Variants in KNL1 observed in about 807,000 individuals in gnomAD.
KNL1 encodes kinetochore scaffold 1, also known as outer kinetochore KNL1 complex subunit KNL1.
A neutral mutation model predicts 201.3 loss-of-function variants in KNL1; 66 were observed. That is an observed-to-expected ratio of 0.33 (90% CI 0.27 to 0.40). KNL1 has a LOEUF of 0.40. KNL1 is among the 10% of genes least tolerant of loss of function. KNL1 has a pLI of 1.00. For synonymous variants in KNL1, 895 were observed against 899.2 expected (o/e 1.00, Z 0.08); for missense variants, 2,815 against 2,690.5 (o/e 1.05, Z -1.02).
At chr15:40,643,291 A>G (rs1033942971) in intron 14 of KNL1, 2 of 151,424 alleles carry the variant, frequency 1.3e-5, no homozygotes, top group South Asian at 4.2e-4. Context: ...TCCTGCCTCA[A>G]CCTCTACTAC....
intron 5 of KNL1, 26 bp downstream of exon 5, chr15:40,608,934 A>G (rs745317843): frequency 3.3e-6 from 5 of 1,507,038 alleles, no homozygotes. Flanking sequence ...AAATAACTAA[A>G]ATATTATAGG....
Position 40,649,390 on chromosome 15 carries a change from G to T in KNL1, c.6095-911G>T, listed in dbSNP as rs200570899. 2.2e-4 allele frequency among the ~76,000 whole-genome samples: 33 copies of T among 151,674 alleles called. No homozygotes were observed. In the East Asian group the frequency reaches 6.4e-3, roughly 29 times the overall value. ...TGCTCACTGCAACCTCTGCCTCCTG[G>T]ATTCAAGCAATTCTTGTGCCTCAGC... is the stretch of plus-strand genomic sequence containing the variant. On this transcript the variant is annotated intron_variant, in intron 17 of 25. Transcript: ENST00000399668.
At chr15:40,626,222 A>T (rs1373288185) in intron 10 of KNL1, among the ~76,000 whole-genome samples, 2 of 151,074 alleles carry the variant, frequency 1.3e-5, no homozygotes, top group South Asian at 2.1e-4. Flanking sequence ...GTGTGATCTC[A>T]GCTCACTGCA....
intron 10 of KNL1, among the ~76,000 whole-genome samples, chr15:40,626,981 G>A (rs1469823091): frequency 1.3e-5 from 2 of 151,962 alleles, no homozygotes; most frequent in Non-Finnish European, 2.9e-5. Flanking sequence ...TGCAACCTCC[G>A]CCTCCCAGGT....
chr15:40,614,134 G>C (rs896726774), intron 7 of KNL1, among the ~76,000 whole-genome samples: 3 of 131,506 alleles, frequency 2.3e-5, no homozygotes, highest in Non-Finnish European at 4.7e-5. Context: ...GTCTTGCTCT[G>C]TTGTGCAGGC....
chr15:40,615,137 A>G (rs1892296816), intron 7 of KNL1, among the ~76,000 whole-genome samples: 1 of 152,188 alleles, frequency 6.6e-6, no homozygotes, highest in South Asian at 2.1e-4. Context: ...TAATTCCTTC[A>G]GCCAGTATTA....
chr15:40,610,425 T>C (rs1892115451), intron 6 of KNL1, 128 bp downstream of exon 6: 2 of 627,104 alleles, frequency 3.2e-6, no homozygotes. Context: ...GGGCCATGCA[T>C]AGTGGTTCAC....
rs1291603161 is a variant in KNL1, at chr15:40,621,239, C to T, written c.975C>T (p.His325=). The T allele has an allele frequency of 1.9e-6, 3 of 1,613,390 alleles. No individual in the cohort carries two copies. Among genetic ancestry groups the T allele is most frequent in the South Asian group, 1.1e-5 (1 of 90,988 alleles). The stretch of plus-strand genomic sequence containing the variant: ...ACTTTATGGACTTGACATTTAACCA[C>T]ACTTTGCAGATCTTACCTGCAACAG... The part of the protein sequence containing the change: ...GNDFMDLTFN[H]TLQILPATGN... Residue 325 remains histidine, a synonymous_variant, in exon 10 of 26, where the codon CAC becomes CAT. Transcript: ENST00000399668.
chr15:40,599,286 C>G (rs577635563), intron 1 of KNL1, among the ~76,000 whole-genome samples: 1 of 145,222 alleles, frequency 6.9e-6, no homozygotes, highest in Non-Finnish European at 1.5e-5. Flanking sequence ...GCACTCCAGC[C>G]TGGGTCACAG....
chr15:40,642,329 G>A (rs879771441), intron 14 of KNL1, among the ~76,000 whole-genome samples: 4 of 151,850 alleles, frequency 2.6e-5, no homozygotes, highest in Non-Finnish European at 5.9e-5. Context: ...AACCCAGGAG[G>A]TGGAGCTTGC....
In KNL1 at chr15:40,629,373, T is replaced by TA; in HGVS notation, c.5682+4dup. On this transcript the variant is annotated splice_region_variant and intron_variant, in intron 13 of 25. Coordinates refer to ENST00000399668, the MANE Select transcript of KNL1 (RefSeq NM_144508.5). Reference sequence around the variant, plus strand: ...CGACAGAGCAATCTCCCAGGCAATGTAAGTGCAGTTTCTTGGCAAAATGTT... The same window carrying TA: ...CGACAGAGCAATCTCCCAGGCAATGTAAAGTGCAGTTTCTTGGCAAAATGTT... 1 of 1,583,208 alleles carries TA rather than the reference T, an allele frequency of 6.3e-7. No individual in the cohort carries two copies. Among genetic ancestry groups the TA allele is most frequent in the Non-Finnish European group, 8.6e-7 (1 of 1,168,106 alleles).
rs116439389 is a variant in KNL1 at position 40,650,337 on chromosome 15, C to T, written c.6131C>T (p.Pro2044Leu). 6.1e-4 allele frequency: 978 copies of T among 1,612,416 alleles called. 8 individuals carry two copies. The African/African-American group carries it at 0.012, about 20-fold the overall frequency. Residue 2044 changes from proline to leucine, a missense_variant, in exon 18 of 26, where the codon CCT (proline) becomes CTT (leucine). Transcript: ENST00000399668. ...TTGGAGGATGAAGAGAAAAACAATC[C>T]TGTGGAAGAATGGGATTCTGAAATG... ...KNLEDEEKNN[P>L]VEEWDSEMRA...
chr15:40,608,468 T>G (rs946683200), intron 4 of KNL1, among the ~76,000 whole-genome samples: 9 of 136,000 alleles, frequency 6.6e-5, no homozygotes, highest in Admixed American at 4.5e-4. Context: ...CTTGTCTGGG[T>G]GCAGGGGCCC....
intron 16 of KNL1, 26 bp downstream of exon 16, chr15:40,645,798 G>C: frequency 9.0e-7 from 1 of 1,115,946 alleles, no homozygotes; most frequent in Non-Finnish European, 1.3e-6. Context: ...TAATATCATA[G>C]AAAGAGAGAG....
intron 13 of KNL1, among the ~76,000 whole-genome samples, chr15:40,631,768 A>G (rs1256112355): frequency 6.6e-6 from 1 of 152,156 alleles, no homozygotes; most frequent in African/African-American, 2.4e-5. Flanking sequence ...CAGCACTTTG[A>G]GAGACCAAGG....
rs748296403 is a variant in KNL1, at chr15:40,652,072, A to G, written c.6382A>G (p.Ile2128Val). The G allele has an allele frequency of 1.9e-6, 3 of 1,613,760 alleles. No individual in the cohort carries two copies. Among genetic ancestry groups the G allele is most frequent in the Non-Finnish European group, 2.5e-6 (3 of 1,179,734 alleles). The change falls in exon 21 of 26, where the codon ATA (isoleucine) becomes GTA (valine). Residue 2128 changes from isoleucine to valine, a missense_variant. Coordinates refer to ENST00000399668, the MANE Select transcript of KNL1 (RefSeq NM_144508.5). ...QAVFTFVYDT[I>V]QLTITFEESV... Reference sequence around the variant, plus strand: ...TGTATTCACCTTTGTTTATGACACGATACAACTCACCATCACCTTTGAAGA... The same window carrying G: ...TGTATTCACCTTTGTTTATGACACGGTACAACTCACCATCACCTTTGAAGA...
At chr15:40,652,155 A>G in intron 21 of KNL1, 50 bp downstream of exon 21, 2 of 1,194,002 alleles carry the variant, frequency 1.7e-6, no homozygotes, top group Admixed American at 1.7e-5. Flanking sequence ...GAATGGCTAC[A>G]CTCACTAAAG....
chr15:40,599,958 A>G (rs1307447634), intron 1 of KNL1, among the ~76,000 whole-genome samples: 1 of 150,310 alleles, frequency 6.7e-6, no homozygotes, highest in Non-Finnish European at 1.5e-5. Context: ...CTGCAGGCAC[A>G]TTGCCCCATA....
At position 40,662,325 on chromosome 15, in the gene KNL1, A is replaced by G. The variant is rs1255951950; in HGVS notation, c.*137A>G. 1.7e-6 allele frequency: 1 copy of G among 605,250 alleles called. No individual in the cohort carries two copies. The highest frequency in any genetic ancestry group is 3.0e-6 in the Non-Finnish European group (1 of 337,974). The allele number at this position is 605,250 out of a possible 1,614,324, so 37.5% of individuals were successfully genotyped here. A position where few individuals can be genotyped will look rare whatever the true frequency, so the allele number is the denominator to read the frequency against. ...TCTGATGATGTTATAGTTAATCTGTATGTTTTTTATATCTCTGCAGAATGA... is the reference window on the plus strand; with the variant it reads ...TCTGATGATGTTATAGTTAATCTGTGTGTTTTTTATATCTCTGCAGAATGA... On this transcript the variant is annotated 3_prime_UTR_variant, in exon 26 of 26. Coordinates refer to ENST00000399668, the MANE Select transcript of KNL1 (RefSeq NM_144508.5).
Sources: gnomAD v4.1 joint callset for allele counts (sites outside exome capture counted in the v4.1 genomes callset) on GRCh38, gnomAD v4.1.1 for gene constraint, MANE v1.5 for transcripts, NCBI Gene and HGNC (gene_info 2026-07-23, HGNC 2026-07-21) for gene names.